TNC: variants seen among roughly 807,000 people sequenced by gnomAD.
TNC encodes the protein tenascin C.
In TNC, 109 loss-of-function variants were observed where a neutral mutation model predicts 202.4. That is an observed-to-expected ratio of 0.54 (90% confidence interval 0.46 to 0.63). TNC has a LOEUF of 0.63. Among genes scored for constraint, TNC ranks in the 30% least tolerant of loss-of-function variants. The probability of loss-of-function intolerance (pLI) is 0.00; values close to 1 mark genes in which losing one functional copy is unlikely to be tolerated. For synonymous variants in TNC, 1,007 were observed against 1,089.7 expected (o/e 0.92, Z 1.50); for missense variants, 2,756 against 2,833.3 (o/e 0.97, Z 0.62).
chr9:115,082,622 G>A, intron 5 of TNC, 70 bp downstream of exon 5: 2 of 1,119,802 alleles, frequency 1.8e-6, no homozygotes, highest in South Asian at 1.3e-5. Context: ...TGATACAGAA[G>A]TCTTCAGAAC....
At chr9:115,040,591 G>T (rs541719432) in intron 19 of TNC, among the ~76,000 whole-genome samples, 1 of 152,308 alleles carries the variant, frequency 6.6e-6, no homozygotes, top group Non-Finnish European at 1.5e-5. Context: ...AAGGAAAGTG[G>T]ACCCTAGTAA....
chr9:115,053,859 A>T (rs938571086), intron 15 of TNC, among the ~76,000 whole-genome samples: 11 of 152,318 alleles, frequency 7.2e-5, no homozygotes, highest in Admixed American at 3.3e-4. Context: ...TTAGGCATTG[A>T]ATTTTCTGCT....
At chr9:115,095,100 T>C (rs1835539504) in intron 1 of TNC, among the ~76,000 whole-genome samples, 1 of 152,104 alleles carries the variant, frequency 6.6e-6, no homozygotes, top group African/African-American at 2.4e-5. Context: ...TCACTTCCTG[T>C]TCCTTGTGCA....
At chr9:115,093,338 CAAAG>C (rs1353795482) in intron 1 of TNC, among the ~76,000 whole-genome samples, 5 of 152,110 alleles carry the variant, frequency 3.3e-5, no homozygotes, top group African/African-American at 7.2e-5. Flanking sequence ...ACAACAAAAA[CAAAG>C]AAACAAAAAA....
In TNC at chr9:115,090,235, A is replaced by G. The variant is rs189914326; in HGVS notation, c.457+327T>C. ...GGGGTAGAAATTTCATGGCGTACTC[A>G]TAGGTTTTGGGGTAGAAAGTGGGTA... is the stretch of plus-strand genomic sequence containing the variant. On this transcript the variant is annotated intron_variant, in intron 2 of 27. Coordinates refer to ENST00000350763, the MANE Select transcript of TNC (RefSeq NM_002160.4). Among the ~76,000 whole-genome samples the G allele has an allele frequency of 1.8e-3, 276 of 152,240 alleles. 1 individual carries two copies. Among genetic ancestry groups the G allele is most frequent in the Admixed American group, 3.4e-3 (52 of 15,298 alleles).
At chr9:115,035,404 CAAG>C in intron 21 of TNC, 70 bp from the exon 22 acceptor site, 1 of 1,525,196 alleles carries the variant, frequency 6.6e-7, no homozygotes, top group Non-Finnish European at 8.9e-7. Context: ...GGCTGGGTAT[CAAG>C]AAGACTGGGT....
intron 11 of TNC, among the ~76,000 whole-genome samples, chr9:115,064,373 G>A (rs1459504704): frequency 6.6e-6 from 1 of 152,150 alleles, no homozygotes; most frequent in African/African-American, 2.4e-5. Context: ...CAGGAGGGAG[G>A]CTGTTTATGG....
intron 26 of TNC, among the ~76,000 whole-genome samples, chr9:115,025,587 A>C (rs1415669437): frequency 6.6e-6 from 1 of 152,030 alleles, no homozygotes; most frequent in East Asian, 1.9e-4. Context: ...ACATTGTCGG[A>C]TGCAGTTTTC....
rs745550405 is a variant in TNC at position 115,073,793 on chromosome 9, C to T, written c.3024G>A (p.Pro1008=). The T allele has an allele frequency of 2.5e-5, 41 of 1,613,934 alleles. No individual in the cohort carries two copies. The highest frequency in any genetic ancestry group is 4.0e-5 in the African/African-American group (3 of 74,904). Residue 1008 remains proline (P), a synonymous_variant, in exon 10 of 28, where the codon CCG becomes CCA. Transcript: ENST00000350763. ...ETSLTLLWKT[P]LAKFDRYRLN... is the part of the protein sequence containing the mutation. ...GGCGGTAGCGGTCAAATTTGGCCAA[C>T]GGTGTCTTCCAGAGCAGGGTCAGGC...
rs973091904 is a variant in TNC at position 115,061,361 on chromosome 9, G to A, written c.4034-1359C>T. Among the ~76,000 whole-genome samples the A allele has an allele frequency of 2.6e-5, 4 of 152,218 alleles. No homozygotes were observed. In the South Asian group the frequency reaches 8.3e-4, roughly 32 times the overall value. ...GGAGGTATCCCCCTCTTACTTCCAG[G>A]CACACCAAGAACAGCTGTTCACTTA... On this transcript the variant is annotated intron_variant, in intron 13 of 27. Coordinates refer to ENST00000350763, the MANE Select transcript of TNC (RefSeq NM_002160.4).
intron 1 of TNC, among the ~76,000 whole-genome samples, chr9:115,094,144 T>C (rs1835436689): frequency 6.6e-6 from 1 of 152,300 alleles, no homozygotes; most frequent in Admixed American, 6.5e-5. Context: ...GTACATAAAG[T>C]ACCCAGCATG....
intron 17 of TNC, among the ~76,000 whole-genome samples, chr9:115,044,161 G>A (rs182200292): frequency 6.6e-6 from 1 of 152,024 alleles, no homozygotes; most frequent in East Asian, 1.9e-4. Flanking sequence ...TGAGTGAGAG[G>A]AGGAGCTACA....
intron 3 of TNC, 58 bp downstream of exon 3, chr9:115,085,806 A>T: frequency 6.7e-7 from 1 of 1,490,418 alleles, no homozygotes; most frequent in African/African-American, 1.4e-5. Flanking sequence ...TTTCCAACCC[A>T]TACTAGGAGT....
chr9:115,031,404 G>T, intron 23 of TNC, 149 bp downstream of exon 23: 2 of 879,154 alleles, frequency 2.3e-6, no homozygotes, highest in Non-Finnish European at 3.2e-6. Flanking sequence ...TCCCACATTT[G>T]CTTTCCTCAG....
intron 4 of TNC, among the ~76,000 whole-genome samples, chr9:115,083,710 A>G (rs1034759866): frequency 2.7e-5 from 4 of 148,382 alleles, no homozygotes; most frequent in African/African-American, 1.0e-4. Context: ...GTTTCAAGCT[A>G]TTCTCTGCCT....
chr9:115,063,711 C>T (rs1832721772), intron 12 of TNC, 85 bp downstream of exon 12: 4 of 1,428,174 alleles, frequency 2.8e-6, no homozygotes, highest in Middle Eastern at 2.1e-4. Flanking sequence ...AGGAGCTGAT[C>T]CCAGTTTAAA....
intron 22 of TNC, among the ~76,000 whole-genome samples, chr9:115,032,510 TG>T (rs776331213): frequency 3.3e-5 from 5 of 152,314 alleles, no homozygotes; most frequent in Non-Finnish European, 5.9e-5. Flanking sequence ...GTTAGGTCAG[TG>T]GTCCCTAAAT....
chr9:115,080,655 A>T (rs192303345), intron 6 of TNC, among the ~76,000 whole-genome samples: 1 of 152,296 alleles, frequency 6.6e-6, no homozygotes, highest in Non-Finnish European at 1.5e-5. Context: ...TCACGCCTGT[A>T]ATCCTAGCAC....
At chr9:115,108,854 T>C (rs1162825855) in intron 1 of TNC, among the ~76,000 whole-genome samples, 2 of 152,216 alleles carry the variant, frequency 1.3e-5, no homozygotes, top group Non-Finnish European at 2.9e-5. Context: ...TAAGGTGCCA[T>C]CTTGATCTTG....
Sources: allele counts gnomAD v4.1 joint callset (sites outside exome capture counted in the v4.1 genomes callset), GRCh38; gene constraint gnomAD v4.1.1; transcripts MANE v1.5; gene names NCBI Gene and HGNC (gene_info 2026-07-23, HGNC 2026-07-21).